EPB41L5: variants seen among roughly 807,000 people sequenced by gnomAD.
EPB41L5 encodes the protein erythrocyte membrane protein band 4.1 like 5.
Under a neutral mutation model 106.6 loss-of-function variants are expected in EPB41L5, and 55 were observed. The ratio of observed to expected loss-of-function variants is 0.52; its 90% CI spans 0.42 to 0.65. The LOEUF (loss-of-function observed/expected upper bound fraction) is 0.65. Among genes scored for constraint, EPB41L5 ranks in the 30% least tolerant of loss-of-function variants. EPB41L5 has a pLI of 0.00. For missense variants in EPB41L5, 871 were observed against 882.1 expected (o/e 0.99, Z 0.16); for synonymous variants, 297 against 306.7 (o/e 0.97, Z 0.33).
chr2:120,066,617 G>A (rs1039659293), intron 3 of EPB41L5, among the ~76,000 whole-genome samples: 7 of 152,260 alleles, frequency 4.6e-5, no homozygotes, highest in African/African-American at 1.7e-4. Context: ...GAATTGCTGG[G>A]TTGAAGGCAC....
intron 3 of EPB41L5, among the ~76,000 whole-genome samples, chr2:120,058,773 C>T (rs113653528): frequency 1.3e-5 from 2 of 152,092 alleles, no homozygotes; most frequent in African/African-American, 4.8e-5. Flanking sequence ...AGTTGTTAAA[C>T]ATATTTTTAA....
At chr2:120,013,277 C>T (rs914931160) in intron 1 of EPB41L5, 67 bp downstream of exon 1, 1 of 152,256 alleles carries the variant, frequency 6.6e-6, no homozygotes, top group South Asian at 2.1e-4. Flanking sequence ...GTGGACCCTT[C>T]CTCGCCCGCG....
At chr2:120,021,909 C>T (rs1677956720) in intron 2 of EPB41L5, among the ~76,000 whole-genome samples, 1 of 152,048 alleles carries the variant, frequency 6.6e-6, no homozygotes, top group African/African-American at 2.4e-5. Context: ...ACTCATTTCC[C>T]ATTACGATAA....
intron 2 of EPB41L5, among the ~76,000 whole-genome samples, chr2:120,033,695 C>T (rs1466972905): frequency 9.1e-5 from 10 of 110,194 alleles, no homozygotes; most frequent in African/African-American, 3.1e-4. Flanking sequence ...GCAACAAGAG[C>T]GAAACTCCAT....
At chr2:120,113,479 T>C (rs1684812724) in intron 16 of EPB41L5, among the ~76,000 whole-genome samples, 2 of 152,192 alleles carry the variant, frequency 1.3e-5, no homozygotes, top group Non-Finnish European at 1.5e-5. Context: ...TCTTGAGAGA[T>C]GGATATGAAC....
intron 3 of EPB41L5, among the ~76,000 whole-genome samples, chr2:120,066,512 G>T (rs927340532): frequency 6.6e-5 from 10 of 152,126 alleles, no homozygotes; most frequent in African/African-American, 2.4e-4. Context: ...GCTTTAACCA[G>T]TTCACTCTTG....
At chr2:120,066,653 CTG>C (rs1274101887) in intron 3 of EPB41L5, among the ~76,000 whole-genome samples, 5 of 152,148 alleles carry the variant, frequency 3.3e-5, no homozygotes, top group Non-Finnish European at 7.3e-5. Flanking sequence ...ACATTATCTA[CTG>C]TCTAGTCAGA....
At chr2:120,084,505 G>C (rs1014728217) in intron 10 of EPB41L5, among the ~76,000 whole-genome samples, 36 of 152,174 alleles carry the variant, frequency 2.4e-4, no homozygotes, top group African/African-American at 8.4e-4. Flanking sequence ...CTGTTAGTCT[G>C]ATGGGCTTCC....
chr2:120,044,948 G>A (rs898301566), intron 3 of EPB41L5, among the ~76,000 whole-genome samples: 2 of 152,138 alleles, frequency 1.3e-5, no homozygotes, highest in African/African-American at 4.8e-5. Flanking sequence ...CTCCAGATAA[G>A]CTAAACTTTT....
At chr2:120,135,108 G>A (rs1437066768) in intron 18 of EPB41L5, among the ~76,000 whole-genome samples, 1 of 152,076 alleles carries the variant, frequency 6.6e-6, no homozygotes, top group Non-Finnish European at 1.5e-5. Flanking sequence ...CAAAGAGATT[G>A]AAATAATTTT....
At chr2:120,169,376 G>C (rs956675936) in intron 24 of EPB41L5, among the ~76,000 whole-genome samples, 2 of 152,116 alleles carry the variant, frequency 1.3e-5, no homozygotes, top group African/African-American at 4.8e-5. Context: ...TGAAACATCA[G>C]ATAATAAACT....
intron 18 of EPB41L5, among the ~76,000 whole-genome samples, chr2:120,141,248 C>T (rs980910292): frequency 6.6e-6 from 1 of 152,104 alleles, no homozygotes; most frequent in Non-Finnish European, 1.5e-5. Flanking sequence ...TCTTGACCCT[C>T]AGGAAACTTT....
chr2:120,089,951 A>G (rs1042704333), intron 11 of EPB41L5, among the ~76,000 whole-genome samples: 1 of 152,120 alleles, frequency 6.6e-6, no homozygotes, highest in African/African-American at 2.4e-5. Context: ...ATGAATGTTA[A>G]CTATTATAAT....
intron 3 of EPB41L5, among the ~76,000 whole-genome samples, chr2:120,056,685 T>TC (rs1680676706): frequency 6.6e-6 from 1 of 151,484 alleles, no homozygotes; most frequent in Non-Finnish European, 1.5e-5. Flanking sequence ...TTTTTTTTTT[T>TC]TCTGGTTTGG....
In EPB41L5 at chr2:120,160,867, C is replaced by T. The variant is rs752904797; in HGVS notation, c.1794-14C>T. 2 of 1,597,930 alleles carry T rather than the reference C, an allele frequency of 1.3e-6. No homozygotes were observed. Among genetic ancestry groups the T allele is most frequent in the Admixed American group, 3.3e-5 (2 of 59,976 alleles). On this transcript the variant is annotated splice_polypyrimidine_tract_variant and intron_variant, in intron 20 of 24. Transcript: ENST00000263713. The stretch of plus-strand genomic sequence containing the variant: ...CAGGTCCTACATGATGTGAATTTAT[C>T]TTTTTCTTCCTAGTGCTGTGTTAAA...
rs377525987 is a variant in EPB41L5, at chr2:120,090,578, A to G, written c.1043+62A>G. On this transcript the variant is annotated intron_variant, in intron 12 of 24. Coordinates refer to ENST00000263713, the MANE Select transcript of EPB41L5 (RefSeq NM_020909.4). ...CATACAGGCCAAAAAATTTAGGCCAATCTTCTCTTTTTTACAGATATGGTA... is the reference window on the plus strand; with the variant it reads ...CATACAGGCCAAAAAATTTAGGCCAGTCTTCTCTTTTTTACAGATATGGTA... 3.8e-5 allele frequency: 55 copies of G among 1,456,998 alleles called. No individual in the cohort carries two copies. The African/African-American group carries it at 4.8e-4, about 13-fold the overall frequency. The allele number at this position is 1,456,998 out of a possible 1,614,324, so 90.3% of individuals were successfully genotyped here.
intron 18 of EPB41L5, among the ~76,000 whole-genome samples, chr2:120,136,152 A>AT (rs78827477): frequency 0.016 from 2,289 of 141,012 alleles, 19 homozygotes; most frequent in African/African-American, 0.025. Flanking sequence ...TTGCTTGTTA[A>AT]TTTTTTTTTT....
Position 120,077,268 on chromosome 2 carries a change from T to C in EPB41L5, c.666T>C (p.Asn222=). The change falls in exon 9 of 25, where the codon AAT becomes AAC. Residue 222 remains asparagine, a synonymous_variant. Transcript: ENST00000263713. ...TPAQAETNYL[N]KAKWLEMYGV... ...CACAGGCTGAAACCAATTATCTGAATAAAGCCAAATGGCTAGAAATGTATG... is the reference window on the plus strand; with the variant it reads ...CACAGGCTGAAACCAATTATCTGAACAAAGCCAAATGGCTAGAAATGTATG... 1 of 1,611,842 alleles carries C rather than the reference T, an allele frequency of 6.2e-7. No individual in the cohort carries two copies. Among genetic ancestry groups the C allele is most frequent in the Non-Finnish European group, 8.5e-7 (1 of 1,178,552 alleles).
chr2:120,127,692 C>G lies in EPB41L5; in HGVS notation c.1342C>G (p.Pro448Ala), dbSNP rs1685518693. 2 of 1,593,464 alleles carry G rather than the reference C, an allele frequency of 1.3e-6. No homozygotes were observed. The highest frequency in any genetic ancestry group is 1.3e-5 in the African/African-American group (1 of 74,614). The change falls in exon 17 of 25, where the codon CCT becomes GCT. Residue 448 changes from proline (P) to alanine (A), a missense_variant. By Grantham distance (27) the Pro-to-Ala change is conservative. Transcript: ENST00000263713. ...GTDQHDRKCI[P>A]LNIDLLNSPD... ...AATTTTCTATTTCCATTGCAGCATT[C>G]CTCTGAATATTGATTTGCTGAATAG... is the stretch of plus-strand genomic sequence containing the variant.
Sources: gnomAD v4.1 joint callset for allele counts (sites outside exome capture counted in the v4.1 genomes callset) on GRCh38, gnomAD v4.1.1 for gene constraint, MANE v1.5 for transcripts, NCBI Gene and HGNC (gene_info 2026-07-23, HGNC 2026-07-21) for gene names.